CDH7: variants seen among roughly 807,000 people sequenced by gnomAD.
CDH7 encodes cadherin 7.
A neutral mutation model predicts 71.8 loss-of-function variants in CDH7; 25 were observed. The observed-to-expected ratio is 0.35, with a 90% CI of 0.25 to 0.49. The LOEUF (loss-of-function observed/expected upper bound fraction) is 0.49, where lower values mean the gene tolerates loss of function less well. Ranked by LOEUF, CDH7 falls within the 20% of genes least tolerant of loss-of-function variation. CDH7 has a pLI of 0.99. For missense variants in CDH7, 862 were observed against 974.6 expected (o/e 0.88, Z 1.54); for synonymous variants, 381 against 363.8 (o/e 1.05, Z -0.54).
intron 2 of CDH7, among the ~76,000 whole-genome samples, chr18:65,792,849 A>G (rs1479212174): frequency 6.6e-6 from 1 of 152,138 alleles, no homozygotes; most frequent in African/African-American, 2.4e-5. Flanking sequence ...AAAAATCATT[A>G]TTAAAGATAA....
chr18:65,820,378 A>G (rs1186769911), intron 4 of CDH7, among the ~76,000 whole-genome samples: 1 of 152,012 alleles, frequency 6.6e-6, no homozygotes, highest in Non-Finnish European at 1.5e-5. Context: ...ACTAGACTTT[A>G]CTAGTTCAGT....
At chr18:65,825,124 AAT>A (rs1268568424) in intron 6 of CDH7, among the ~76,000 whole-genome samples, 1 of 151,932 alleles carries the variant, frequency 6.6e-6, no homozygotes, top group Non-Finnish European at 1.5e-5. Context: ...TGGAGAGATG[AAT>A]ATGTTTCTGC....
intron 2 of CDH7, among the ~76,000 whole-genome samples, chr18:65,802,662 A>G (rs1911167563): frequency 6.6e-6 from 1 of 152,198 alleles, no homozygotes; most frequent in Non-Finnish European, 1.5e-5. Context: ...AACATGAAGC[A>G]TTCACAATTA....
intron 11 of CDH7, among the ~76,000 whole-genome samples, chr18:65,879,928 G>A (rs940678315): frequency 6.6e-6 from 1 of 152,166 alleles, no homozygotes; most frequent in Admixed American, 6.5e-5. Context: ...TCATAGAGAA[G>A]GAGTAGGCAT....
intron 7 of CDH7, among the ~76,000 whole-genome samples, chr18:65,853,842 G>A (rs573531674): frequency 1.4e-4 from 20 of 143,288 alleles, no homozygotes; most frequent in African/African-American, 4.9e-4. Context: ...GTGCTCAAGA[G>A]TAATTGCCAA....
At chr18:65,790,089 G>T (rs1910657675) in intron 2 of CDH7, among the ~76,000 whole-genome samples, 1 of 151,752 alleles carries the variant, frequency 6.6e-6, no homozygotes, top group Non-Finnish European at 1.5e-5. Context: ...AATTAGCCGG[G>T]CATGGTAGTG....
At chr18:65,772,294 C>T (rs949195293) in intron 2 of CDH7, among the ~76,000 whole-genome samples, 2 of 152,032 alleles carry the variant, frequency 1.3e-5, no homozygotes, top group Non-Finnish European at 2.9e-5. Context: ...TTACACATTC[C>T]GCACTTGATT....
At chr18:65,833,311 A>G (rs1912418272) in intron 6 of CDH7, among the ~76,000 whole-genome samples, 1 of 152,164 alleles carries the variant, frequency 6.6e-6, no homozygotes, top group African/African-American at 2.4e-5. Flanking sequence ...TAATTTCTAC[A>G]ATCAAATATG....
intron 11 of CDH7, among the ~76,000 whole-genome samples, chr18:65,879,158 G>T (rs1490878416): frequency 6.6e-6 from 1 of 152,058 alleles, no homozygotes; most frequent in Non-Finnish European, 1.5e-5. Context: ...CTCACCCCTG[G>T]TTACTGCATT....
At chr18:65,754,384 G>A (rs1915973841) in intron 1 of CDH7, among the ~76,000 whole-genome samples, 1 of 152,118 alleles carries the variant, frequency 6.6e-6, no homozygotes, top group African/African-American at 2.4e-5. Flanking sequence ...ATGTTATCTG[G>A]CCCAGGGAGC....
intron 2 of CDH7, among the ~76,000 whole-genome samples, chr18:65,764,085 C>T (rs1267158412): frequency 6.6e-6 from 1 of 152,072 alleles, no homozygotes; most frequent in African/African-American, 2.4e-5. Context: ...TAGCTACCTA[C>T]TGAATTTATC....
intron 10 of CDH7, among the ~76,000 whole-genome samples, chr18:65,861,324 CGT>C (rs1214884622): frequency 9.0e-5 from 3 of 33,444 alleles, no homozygotes; most frequent in Non-Finnish European, 1.9e-4. Flanking sequence ...CTCAATTCAC[CGT>C]GTGTGTGTGT....
At chr18:65,877,269 T>C (rs1291844757) in intron 11 of CDH7, among the ~76,000 whole-genome samples, 3 of 152,146 alleles carry the variant, frequency 2.0e-5, no homozygotes, top group Non-Finnish European at 4.4e-5. Flanking sequence ...ATGTGTATTG[T>C]ACCTTAGGGC....
Position 65,862,927 on chromosome 18 carries a change from G to A in CDH7, c.1864+10G>A. On this transcript the variant is annotated intron_variant, in intron 11 of 11. Coordinates refer to ENST00000397968, the MANE Select transcript of CDH7 (RefSeq NM_004361.5). ...GTCTTGACATTATTGGGTAGGTACT[G>A]TTTCCAGGGCTTGCTCTGAAAGAGC... The A allele has an allele frequency of 6.2e-7, 1 of 1,612,388 alleles. No homozygotes were observed. The highest frequency in any genetic ancestry group is 8.5e-7 in the Non-Finnish European group (1 of 1,178,792).
At chr18:65,876,941 A>G (rs992632222) in intron 11 of CDH7, among the ~76,000 whole-genome samples, 2 of 152,138 alleles carry the variant, frequency 1.3e-5, no homozygotes, top group African/African-American at 4.8e-5. Context: ...CTTTTCTTCT[A>G]TTTCCACTCA....
chr18:65,751,459 A>C (rs889751313), intron 1 of CDH7, among the ~76,000 whole-genome samples: 7 of 152,140 alleles, frequency 4.6e-5, no homozygotes, highest in African/African-American at 1.7e-4. Flanking sequence ...GTGCAGCGGC[A>C]AACATGGGCA....
At chr18:65,778,549 T>TTTTTTTTTTTTTTTTTTC (rs1267851629) in intron 2 of CDH7, among the ~76,000 whole-genome samples, 2 of 146,802 alleles carry the variant, frequency 1.4e-5, no homozygotes, top group Non-Finnish European at 3.0e-5. Context: ...TTTTTTTTTT[T>TTTTTTTTTTTTTTTTTTC]ACATAAAAAT....
chr18:65,880,855 G>A lies in CDH7; in HGVS notation c.2319G>A (p.Ala773=), dbSNP rs773053568. The change falls in exon 12 of 12, where the codon GCG becomes GCA. Residue 773 remains alanine (A), a synonymous_variant. Coordinates refer to ENST00000397968, the MANE Select transcript of CDH7 (RefSeq NM_004361.5). Reference sequence around the variant, plus strand: ...GGGGACCTCGCTTTAAACGACTCGCGGACATGTATGGGACTGGCCAAGAGA... The same window carrying A: ...GGGGACCTCGCTTTAAACGACTCGCAGACATGTATGGGACTGGCCAAGAGA... ...SDWGPRFKRL[A]DMYGTGQESL... The A allele has an allele frequency of 5.0e-6, 8 of 1,613,962 alleles. No individual in the cohort carries two copies. The highest frequency in any genetic ancestry group is 1.7e-4 in the Middle Eastern group (1 of 6,058).
chr18:65,858,867 T>C (rs1913458931), intron 8 of CDH7, 58 bp from the exon 9 acceptor site: 7 of 1,519,478 alleles, frequency 4.6e-6, no homozygotes, highest in African/African-American at 1.4e-5. Context: ...ATTTTATTAT[T>C]AGAATTGTGC....
Sources: allele counts gnomAD v4.1 joint callset (sites outside exome capture counted in the v4.1 genomes callset), GRCh38; gene constraint gnomAD v4.1.1; transcripts MANE v1.5; gene names NCBI Gene and HGNC (gene_info 2026-07-23, HGNC 2026-07-21).